The following DLEU7 variants were observed in gnomAD, a reference collection of about 807,000 sequenced individuals.
DLEU7 encodes the protein deleted in lymphocytic leukemia 7, also known as leukemia-associated protein 7.
In DLEU7, 17 loss-of-function variants were observed where a neutral mutation model predicts 16.0. The observed-to-expected ratio is 1.06, with a 90% CI of 0.73 to 1.59. DLEU7 has a LOEUF of 1.59. Ranked by LOEUF, DLEU7 falls within the 40% of genes most tolerant of loss-of-function variation. DLEU7 has a pLI of 0.00. For synonymous variants in DLEU7, 113 were observed against 139.8 expected (o/e 0.81, Z 1.35); for missense variants, 308 against 314.9 (o/e 0.98, Z 0.17).
At chr13:50,816,908 G>A (rs117991732) in intron 1 of DLEU7, among the ~76,000 whole-genome samples, 2,570 of 151,786 alleles carry the variant, frequency 0.017, 29 homozygotes, top group Non-Finnish European at 0.025. Flanking sequence ...ACACACACAC[G>A]GCGCCAAGCT....
At position 50,727,214 on chromosome 13, in the gene DLEU7, C is replaced by T. The variant is rs571696984; in HGVS notation, c.460-13974G>A. ...AAGAAGTTCTGTACGCTCTTGCATA[C>T]GTGTGTGTGTGTGTGTGTGAGTGTG... On this transcript the variant is annotated intron_variant, in intron 1 of 1. Transcript: ENST00000400393. 1.4e-3 allele frequency among the ~76,000 whole-genome samples: 211 copies of T among 150,174 alleles called. 1 individual carries two copies. The highest frequency in any genetic ancestry group is 2.5e-3 in the Non-Finnish European group (169 of 67,296).
rs569626215 is a variant in DLEU7 at position 50,728,651 on chromosome 13, A to G, written c.460-15411T>C. 4.6e-5 allele frequency among the ~76,000 whole-genome samples: 7 copies of G among 152,306 alleles called. 1 individual carries two copies. The South Asian group carries it at 1.4e-3, about 32-fold the overall frequency. ...TAGGAACCCACCAAGAGTTGACTTC[A>G]TCAGCCTTTCTCAGCTCTTCTTTTG... On this transcript the variant is annotated intron_variant, in intron 1 of 1. Transcript: ENST00000400393.
At chr13:50,720,964 T>A (rs944690812) in intron 1 of DLEU7, among the ~76,000 whole-genome samples, 1 of 152,332 alleles carries the variant, frequency 6.6e-6, no homozygotes, top group Non-Finnish European at 1.5e-5. Flanking sequence ...GATTGAAGGA[T>A]GCAAAGTATT....
chr13:50,822,015 A>G (rs1018919892), downstream of DLEU7, among the ~76,000 whole-genome samples: 5 of 151,690 alleles, frequency 3.3e-5, no homozygotes, highest in African/African-American at 1.2e-4. Context: ...TTTCTGGCCC[A>G]CCTCACCCCT....
chr13:50,712,835 G>C (rs1177361400), exon 2 of DLEU7: 4 of 209,612 alleles, frequency 1.9e-5, no homozygotes, highest in Non-Finnish European at 3.8e-5. Flanking sequence ...AAGAAATTCA[G>C]ACAATACATT....
rs184827618 is a variant in DLEU7 at position 50,761,522 on chromosome 13, C to T, written c.460-48282G>A. On this transcript the variant is annotated intron_variant, in intron 1 of 1. Transcript: ENST00000400393. ...CTTTCATGCTGTCTCACAACATGAT[C>T]CAGGTGTGTTTCTCCTTCAGGCAAA... is the stretch of plus-strand genomic sequence containing the variant. 2.0e-4 allele frequency among the ~76,000 whole-genome samples: 31 copies of T among 152,220 alleles called. 1 individual carries two copies. The East Asian group carries it at 6.0e-3, about 29-fold the overall frequency.
chr13:50,809,515 A>C (rs143397639), intron 1 of DLEU7, among the ~76,000 whole-genome samples: 161 of 152,222 alleles, frequency 1.1e-3, no homozygotes, highest in African/African-American at 3.7e-3. Flanking sequence ...GAGGAGTGAG[A>C]ATTCAACTGC....
intron 1 of DLEU7, among the ~76,000 whole-genome samples, chr13:50,778,560 C>T (rs1308951915): frequency 6.6e-6 from 1 of 152,148 alleles, no homozygotes; most frequent in Non-Finnish European, 1.5e-5. Context: ...AAAAATGAAC[C>T]AGATAGCTGT....
At chr13:50,800,893 C>T (rs1327674918) in intron 1 of DLEU7, among the ~76,000 whole-genome samples, 1 of 152,142 alleles carries the variant, frequency 6.6e-6, no homozygotes, top group Non-Finnish European at 1.5e-5. Flanking sequence ...TTGCAGCATA[C>T]AGTGCTAGGC....
chr13:50,841,330 G>A (rs1877651433), intron 1 of DLEU7, among the ~76,000 whole-genome samples: 1 of 152,060 alleles, frequency 6.6e-6, no homozygotes, highest in African/African-American at 2.4e-5. Flanking sequence ...TTTCAGTGCT[G>A]CTGGGCCTTA....
intron 1 of DLEU7, among the ~76,000 whole-genome samples, chr13:50,814,345 C>T (rs988839168): frequency 6.6e-6 from 1 of 152,014 alleles, no homozygotes; most frequent in Non-Finnish European, 1.5e-5. Context: ...TCCATTCACC[C>T]AGGCAGCCAG....
At chr13:50,743,892 C>A (rs918137404) in intron 1 of DLEU7, among the ~76,000 whole-genome samples, 1 of 152,134 alleles carries the variant, frequency 6.6e-6, no homozygotes, top group African/African-American at 2.4e-5. Context: ...GGTGGCTGTG[C>A]TTGTTATGAA....
intron 1 of DLEU7, among the ~76,000 whole-genome samples, chr13:50,804,186 C>T (rs946153734): frequency 1.3e-5 from 2 of 151,720 alleles, no homozygotes; most frequent in Non-Finnish European, 2.9e-5. Flanking sequence ...CTGAATTTTC[C>T]TGGTTATTCC....
At chr13:50,826,349 A>G (rs2137804844) in intron 1 of DLEU7, among the ~76,000 whole-genome samples, 1 of 152,308 alleles carries the variant, frequency 6.6e-6, no homozygotes, top group South Asian at 2.1e-4. Flanking sequence ...AAAGCGTTTT[A>G]AGAAAAAACA....
intron 1 of DLEU7, among the ~76,000 whole-genome samples, chr13:50,759,279 A>G (rs745688858): frequency 3.3e-5 from 5 of 152,206 alleles, no homozygotes; most frequent in Non-Finnish European, 7.3e-5. Context: ...GACATAACAT[A>G]CTAGCTGTAT....
chr13:50,834,326 A>C (rs1331587265), intron 1 of DLEU7, among the ~76,000 whole-genome samples: 1 of 152,158 alleles, frequency 6.6e-6, no homozygotes, highest in East Asian at 1.9e-4. Context: ...TCTACAAGGA[A>C]CTTAAACAAA....
In DLEU7 at chr13:50,752,210, C is replaced by T. The variant is rs1874590201; in HGVS notation, c.460-38970G>A. 1.3e-5 allele frequency among the ~76,000 whole-genome samples: 2 copies of T among 152,130 alleles called. 1 individual carries two copies. Among genetic ancestry groups the T allele is most frequent in the East Asian group, 3.9e-4 (2 of 5,162 alleles). ...GGGACTACAGGCGCCCACCACTACT[C>T]CTGGCTAATTTTTTGTATTTTTAGT... On this transcript the variant is annotated intron_variant, in intron 1 of 1. Coordinates refer to the DLEU7 transcript ENST00000400393.
chr13:50,729,960 T>C (rs1873872643), intron 1 of DLEU7, among the ~76,000 whole-genome samples: 1 of 152,112 alleles, frequency 6.6e-6, no homozygotes, highest in South Asian at 2.1e-4. Flanking sequence ...CCAGATAACA[T>C]AAACAGTTCA....
chr13:50,808,900 G>T (rs1174215972), intron 1 of DLEU7, among the ~76,000 whole-genome samples: 1 of 151,872 alleles, frequency 6.6e-6, no homozygotes, highest in Non-Finnish European at 1.5e-5. Flanking sequence ...AGAAAGGTCA[G>T]TTGGAACAAA....
Sources: gnomAD v4.1 joint callset for allele counts (sites outside exome capture counted in the v4.1 genomes callset) on GRCh38, gnomAD v4.1.1 for gene constraint, MANE v1.5 for transcripts, NCBI Gene and HGNC (gene_info 2026-07-23, HGNC 2026-07-21) for gene names.